Variants in MACF1 observed in about 807,000 individuals in gnomAD.
The protein encoded by MACF1 is microtubule-actin cross-linking factor 1.
A neutral mutation model predicts 854.8 loss-of-function variants in MACF1; 193 were observed. That is an observed-to-expected ratio of 0.23 (90% confidence interval 0.20 to 0.25). The LOEUF is 0.25. Among genes scored for constraint, MACF1 ranks in the 10% least tolerant of loss-of-function variants. The probability of loss-of-function intolerance (pLI) is 1.00; values close to 1 mark genes in which losing one functional copy is unlikely to be tolerated. For missense variants in MACF1, 7,722 were observed against 8,929.1 expected (o/e 0.86, Z 5.45); for synonymous variants, 3,185 against 3,226.7 (o/e 0.99, Z 0.44).
At chr1:39,354,216 G>A (rs527766263) in intron 44 of MACF1, among the ~76,000 whole-genome samples, 71 of 152,094 alleles carry the variant, frequency 4.7e-4, no homozygotes, top group Non-Finnish European at 9.4e-4. Flanking sequence ...GCCTTTACAT[G>A]CTCTTGGAAC....
At chr1:39,382,580 T>A (rs1650326493) in intron 56 of MACF1, among the ~76,000 whole-genome samples, 1 of 151,682 alleles carries the variant, frequency 6.6e-6, no homozygotes, top group Non-Finnish European at 1.5e-5. Context: ...GGCATGTGCC[T>A]GAAATCCCAG....
intron 2 of MACF1, among the ~76,000 whole-genome samples, chr1:39,160,271 C>T (rs541843755): frequency 6.6e-6 from 1 of 152,270 alleles, no homozygotes; most frequent in East Asian, 1.9e-4. Flanking sequence ...CCAAATAACA[C>T]AGCAAAGAGC....
At chr1:39,411,946 A>G (rs1557638865) in intron 58 of MACF1, 13 of 1,613,972 alleles carry the variant, frequency 8.1e-6, no homozygotes, top group Non-Finnish European at 1.1e-5. Flanking sequence ...CGTTGATATC[A>G]TGAGAGACAC....
In MACF1 at chr1:39,334,778, A is replaced by G. The variant is rs752003740; in HGVS notation, c.8190A>G (p.Gly2730=). ...CATCTCATCAGGTGTTAAATGGAGG[A>G]ATTGTTGACATATTTAGTGATCAGA... ...IIASHQVLNG[G]IVDIFSDQRV... is the part of the protein sequence containing the mutation. The change falls in exon 37 of 101, where the codon GGA becomes GGG. Residue 2730 remains glycine (G), a synonymous_variant. Transcript: ENST00000564288. The G allele has an allele frequency of 1.9e-6, 3 of 1,614,026 alleles. No homozygotes were observed. Among genetic ancestry groups the G allele is most frequent in the Non-Finnish European group, 2.5e-6 (3 of 1,180,014 alleles).
intron 36 of MACF1, 104 bp downstream of exon 36, chr1:39,327,457 T>G (rs1258009397): frequency 5.6e-6 from 7 of 1,244,056 alleles, no homozygotes; most frequent in Non-Finnish European, 7.7e-6. Context: ...CCATGACCAA[T>G]GTGACTTAAT....
At chr1:39,095,847 G>C (rs575770285) in intron 2 of MACF1, among the ~76,000 whole-genome samples, 1 of 151,320 alleles carries the variant, frequency 6.6e-6, no homozygotes, top group Non-Finnish European at 1.5e-5. Flanking sequence ...ACACTCCAGC[G>C]TAGGCAACAG....
Position 39,098,354 on chromosome 1 carries a change from C to G in MACF1, c.220+13916C>G, listed in dbSNP as rs376528992. On this transcript the variant is annotated intron_variant, in intron 2 of 93. Coordinates refer to the MACF1 transcript ENST00000361689. ...AGCCCAGAGAGTTTGGTAACTTGCTCAAGGTCTCCCAGCCAGTAAGGGGCC... is the reference window on the plus strand; with the variant it reads ...AGCCCAGAGAGTTTGGTAACTTGCTGAAGGTCTCCCAGCCAGTAAGGGGCC... Among the ~76,000 whole-genome samples, 9 of 152,320 alleles carry G rather than the reference C, an allele frequency of 5.9e-5. No individual in the cohort carries two copies. The South Asian group carries it at 1.9e-3, about 32-fold the overall frequency.
At chr1:39,169,773 CTTTTTTTT>C in intron 2 of MACF1, among the ~76,000 whole-genome samples, 1 of 97,514 alleles carries the variant, frequency 1.0e-5, no homozygotes, top group South Asian at 3.9e-4. Context: ...TTCTTTCTTT[CTTTTTTTT>C]TTTTTTTTTG....
intron 97 of MACF1, among the ~76,000 whole-genome samples, chr1:39,472,848 A>G (rs2124159157): frequency 1.3e-5 from 2 of 152,354 alleles, no homozygotes; most frequent in Middle Eastern, 3.4e-3. Flanking sequence ...CAATTAAAGT[A>G]AGCCATTATT....
At chr1:39,352,346 A>G (rs1351373685) in intron 43 of MACF1, among the ~76,000 whole-genome samples, 3 of 152,176 alleles carry the variant, frequency 2.0e-5, no homozygotes, top group Non-Finnish European at 4.4e-5. Flanking sequence ...TGAGGAAAGG[A>G]TGAAAGAAGT....
intron 97 of MACF1, among the ~76,000 whole-genome samples, chr1:39,477,127 T>TACACACACAC (rs1234149431): frequency 2.5e-4 from 7 of 28,048 alleles, no homozygotes; most frequent in South Asian, 4.2e-3. Flanking sequence ...TGTATATATA[T>TACACACACAC]ATATATATAC....
chr1:39,155,982 G>A (rs536455464), intron 2 of MACF1, among the ~76,000 whole-genome samples: 1 of 152,224 alleles, frequency 6.6e-6, no homozygotes, highest in African/African-American at 2.4e-5. Context: ...TCGCCTCCCG[G>A]GTTCACACCA....
At chr1:39,358,658 C>T (rs762109825) in intron 45 of MACF1, 39 bp from the exon 46 acceptor site, 1 of 1,602,680 alleles carries the variant, frequency 6.2e-7, no homozygotes, top group Non-Finnish European at 8.5e-7. Flanking sequence ...TTTGGCCTGA[C>T]CTTGCTTAAG....
chr1:39,322,929 G>T lies in MACF1; in HGVS notation c.4157G>T (p.Arg1386Leu). The T allele has an allele frequency of 2.5e-6, 4 of 1,614,018 alleles. No homozygotes were observed. The highest frequency in any genetic ancestry group is 3.4e-6 in the Non-Finnish European group (4 of 1,179,926). ...CCACAGTTCATGGACTTAAGGACTC[G>T]CTACACGGCATTGGTGACTTTAACA... ...ITQEFMDLRT[R>L]YTALVTLTTQ... is the part of the protein sequence containing the mutation. The change falls in exon 33 of 101, where the codon CGC becomes CTC. Residue 1386 changes from arginine to leucine, a missense_variant. Coordinates refer to ENST00000564288, the MANE Select transcript of MACF1 (RefSeq NM_001394062.1).
intron 28 of MACF1, 52 bp from the exon 29 acceptor site, chr1:39,317,162 C>A: frequency 6.4e-7 from 1 of 1,563,450 alleles, no homozygotes. Flanking sequence ...TAGACTGACT[C>A]CTTTTTAGCA....
At chr1:39,098,578 G>T (rs1247293603) in intron 2 of MACF1, among the ~76,000 whole-genome samples, 1 of 152,218 alleles carries the variant, frequency 6.6e-6, no homozygotes, top group East Asian at 1.9e-4. Context: ...GCCTGTCAGG[G>T]GTCCAGCCTC....
At chr1:39,161,231 T>G (rs1213582277) in intron 2 of MACF1, among the ~76,000 whole-genome samples, 2 of 152,156 alleles carry the variant, frequency 1.3e-5, no homozygotes, top group Non-Finnish European at 1.5e-5. Flanking sequence ...GGCTGAACTA[T>G]TGGCCCGAGT....
chr1:39,444,038 A>T (rs1644172648), intron 79 of MACF1, among the ~76,000 whole-genome samples: 1 of 152,174 alleles, frequency 6.6e-6, no homozygotes, highest in Non-Finnish European at 1.5e-5. Context: ...TCTAATCCTT[A>T]AAAAATGTTT....
At chr1:39,360,012 A>AAAAAAAATATAT (rs1557608845) in intron 47 of MACF1, among the ~76,000 whole-genome samples, 1 of 28,830 alleles carries the variant, frequency 3.5e-5, no homozygotes, top group Non-Finnish European at 6.4e-5. Flanking sequence ...AAAAAAAAAA[A>AAAAAAAATATAT]ATATATATAT....
Sources: gnomAD v4.1 joint callset for allele counts (sites outside exome capture counted in the v4.1 genomes callset) on GRCh38, gnomAD v4.1.1 for gene constraint, MANE v1.5 for transcripts, NCBI Gene and HGNC (gene_info 2026-07-23, HGNC 2026-07-21) for gene names.